Variants in DMD observed in about 807,000 individuals in gnomAD.
DMD encodes the protein dystrophin, also known as mutant dystrophin.
A neutral mutation model predicts 330.1 loss-of-function variants in DMD; 63 were observed. The ratio of observed to expected loss-of-function variants is 0.19; its 90% CI spans 0.16 to 0.24. The LOEUF is 0.24. Among genes scored for constraint, DMD ranks in the 10% least tolerant of loss-of-function variants. The probability of loss-of-function intolerance (pLI) is 1.00; values close to 1 mark genes in which losing one functional copy is unlikely to be tolerated. For missense variants in DMD, 3,344 were observed against 2,684.1 expected, an observed-to-expected ratio of 1.25 and a Z score of -5.43; for synonymous variants, 1,223 against 959.8, an observed-to-expected ratio of 1.27 and a Z score of -5.07.
chrX:32,054,088 TGAGAGAGA>T (rs751524877), intron 44 of DMD, among the ~76,000 whole-genome samples: 1,006 of 69,511 alleles, frequency 0.014, 14 homozygotes, highest in African/African-American at 0.041. Context: ...TGTGTGTGTG[TGAGAGAGA>T]GAGAGAGAGA....
At chrX:31,980,437 A>G (rs990220289) in intron 44 of DMD, among the ~76,000 whole-genome samples, 1 of 112,372 alleles carries the variant, frequency 8.9e-6, no homozygotes, top group African/African-American at 3.2e-5. Flanking sequence ...TACATTTTGT[A>G]TGATTTCATT....
At chrX:31,880,234 T>G (rs1470203380) in intron 47 of DMD, among the ~76,000 whole-genome samples, 1 of 111,945 alleles carries the variant, frequency 8.9e-6, no homozygotes, top group East Asian at 2.8e-4. Context: ...AATAAAATAT[T>G]GGCGTGGGGA....
intron 52 of DMD, among the ~76,000 whole-genome samples, chrX:31,702,351 A>G (rs1038891348): frequency 8.9e-6 from 1 of 112,156 alleles, no homozygotes; most frequent in African/African-American, 3.2e-5. Context: ...CCAAACGCCT[A>G]CTAAATCTCT....
At chrX:32,838,728 G>A (rs1369253214) in intron 4 of DMD, among the ~76,000 whole-genome samples, 1 of 112,207 alleles carries the variant, frequency 8.9e-6, no homozygotes, top group Non-Finnish European at 1.9e-5. Flanking sequence ...ACCACAATGA[G>A]ATACCATTTA....
At chrX:32,939,737 A>G (rs1019075060) in intron 2 of DMD, among the ~76,000 whole-genome samples, 1 of 111,545 alleles carries the variant, frequency 9.0e-6, no homozygotes, top group African/African-American at 3.2e-5. Flanking sequence ...TACAAAAATC[A>G]GTAACATTTC....
intron 1 of DMD, among the ~76,000 whole-genome samples, chrX:33,134,561 A>G (rs2095515743): frequency 8.9e-6 from 1 of 111,915 alleles, no homozygotes; most frequent in Non-Finnish European, 1.9e-5. Context: ...AATGTATTAT[A>G]GGTTTCAAAA....
intron 43 of DMD, among the ~76,000 whole-genome samples, chrX:32,259,391 T>C (rs2097312473): frequency 9.0e-6 from 1 of 111,374 alleles, no homozygotes; most frequent in Non-Finnish European, 1.9e-5. Context: ...AAATGTATTT[T>C]AATACAAATA....
chrX:31,935,923 T>A (rs1171599647), intron 45 of DMD, among the ~76,000 whole-genome samples: 5 of 111,380 alleles, frequency 4.5e-5, no homozygotes, highest in Non-Finnish European at 9.4e-5. Context: ...ACTAGCATAT[T>A]TTTTTCTATC....
chrX:31,921,446 G>T (rs1214050561), intron 47 of DMD, among the ~76,000 whole-genome samples: 2 of 111,582 alleles, frequency 1.8e-5, no homozygotes, highest in Non-Finnish European at 3.8e-5. Flanking sequence ...TTGTCTTGCT[G>T]CCTCTAACTC....
chrX:31,345,957 CA>C (rs2058057664), intron 61 of DMD, among the ~76,000 whole-genome samples: 1 of 110,846 alleles, frequency 9.0e-6, no homozygotes, highest in Non-Finnish European at 1.9e-5. Flanking sequence ...AAATTTTGTT[CA>C]AAAAGACAAC....
At chrX:32,076,167 G>A (rs1038351354) in intron 44 of DMD, among the ~76,000 whole-genome samples, 17 of 103,594 alleles carry the variant, frequency 1.6e-4, no homozygotes, top group African/African-American at 6.0e-4. Context: ...GAGACACAAA[G>A]GAATGCAAAG....
At chrX:32,194,838 A>C (rs185027423) in intron 44 of DMD, among the ~76,000 whole-genome samples, 1 of 111,970 alleles carries the variant, frequency 8.9e-6, no homozygotes, top group East Asian at 2.8e-4. Flanking sequence ...GTTGTAATTC[A>C]TTGTATTCTA....
chrX:32,075,838 C>T (rs1481036962), intron 44 of DMD, among the ~76,000 whole-genome samples: 4 of 108,434 alleles, frequency 3.7e-5, no homozygotes. Context: ...TGCTTGAGAC[C>T]AGGAGTTCGA....
At chrX:32,111,062 G>A (rs370113601) in intron 44 of DMD, among the ~76,000 whole-genome samples, 11 of 111,844 alleles carry the variant, frequency 9.8e-5, no homozygotes, top group Non-Finnish European at 1.9e-4. Context: ...GAAATAATGC[G>A]GATTATATTG....
At chrX:31,915,309 T>C (rs903192883) in intron 47 of DMD, among the ~76,000 whole-genome samples, 2 of 112,085 alleles carry the variant, frequency 1.8e-5, no homozygotes, top group Non-Finnish European at 3.8e-5. Context: ...CAGTATTATA[T>C]TGAGAATAGT....
intron 55 of DMD, among the ~76,000 whole-genome samples, chrX:31,600,721 T>C (rs1015490035): frequency 9.2e-6 from 1 of 109,043 alleles, no homozygotes; most frequent in Non-Finnish European, 1.9e-5. Flanking sequence ...TCATCTCTTT[T>C]TCCCTGAGTA....
chrX:32,189,037 AT>A (rs1030929541), intron 44 of DMD, among the ~76,000 whole-genome samples: 7 of 110,755 alleles, frequency 6.3e-5, no homozygotes, highest in Middle Eastern at 4.7e-3. Flanking sequence ...AAATATTTCC[AT>A]TTGCATTTAT....
chrX:31,875,461 C>A, intron 47 of DMD, 88 bp from the exon 48 acceptor site: 3 of 703,251 alleles, frequency 4.3e-6, no homozygotes, highest in Non-Finnish European at 6.4e-6. Flanking sequence ...AGTTATTTAT[C>A]ATGAAATATT....
chrX:33,198,007 A>G (rs2051048181), intron 1 of DMD, among the ~76,000 whole-genome samples: 1 of 111,522 alleles, frequency 9.0e-6, no homozygotes, highest in African/African-American at 3.3e-5. Context: ...GTTTTCTAGA[A>G]TGGTTGTACC....
Sources: allele counts gnomAD v4.1 joint callset (sites outside exome capture counted in the v4.1 genomes callset), GRCh38; gene constraint gnomAD v4.1.1; transcripts MANE v1.5; gene names NCBI Gene and HGNC (gene_info 2026-07-23, HGNC 2026-07-21).